Variants in IQCH observed in about 807,000 individuals in gnomAD.
IQCH encodes the protein IQ motif containing H, also known as IQ domain-containing protein H.
Under a neutral mutation model 117.0 loss-of-function variants are expected in IQCH, and 98 were observed. That is an observed-to-expected ratio of 0.84 (90% CI 0.71 to 0.99). The LOEUF is 0.99. Among genes scored for constraint, IQCH ranks in the 50% least tolerant of loss-of-function variants. IQCH has a pLI of 0.00. For missense variants in IQCH, 1,102 were observed against 1,243.8 expected, an observed-to-expected ratio of 0.89 and a Z score of 1.72; for synonymous variants, 412 against 448.2, an observed-to-expected ratio of 0.92 and a Z score of 1.02.
chr15:67,289,901 T>C lies in IQCH; in HGVS notation c.387+10389T>C, dbSNP rs149812995. Among the ~76,000 whole-genome samples the C allele has an allele frequency of 4.6e-5, 7 of 152,226 alleles. No individual in the cohort carries two copies. In the East Asian group the frequency reaches 1.3e-3, roughly 29 times the overall value. The stretch of plus-strand genomic sequence containing the variant: ...CAAACAATATATATTACACAAACTT[T>C]CATGTAACAAAGTTTGAGTCTAAGC... On this transcript the variant is annotated intron_variant, in intron 4 of 20. Coordinates refer to ENST00000335894, the MANE Select transcript of IQCH (RefSeq NM_001031715.3).
intron 3 of IQCH, among the ~76,000 whole-genome samples, chr15:67,272,895 A>G (rs1033923646): frequency 4.6e-5 from 7 of 152,272 alleles, no homozygotes; most frequent in African/African-American, 1.2e-4. Context: ...TAATTGGAGA[A>G]CTAAATCCAT....
intron 14 of IQCH, among the ~76,000 whole-genome samples, chr15:67,414,918 G>A (rs1415604920): frequency 6.6e-6 from 1 of 152,094 alleles, no homozygotes; most frequent in African/African-American, 2.4e-5. Flanking sequence ...CTGAGAGAGG[G>A]CCCAGGCTGT....
At chr15:67,295,815 C>T (rs1966849070) in intron 4 of IQCH, among the ~76,000 whole-genome samples, 1 of 152,158 alleles carries the variant, frequency 6.6e-6, no homozygotes, top group East Asian at 1.9e-4. Flanking sequence ...AGGCCAGCCT[C>T]TTATTAAGGC....
intron 8 of IQCH, among the ~76,000 whole-genome samples, chr15:67,362,142 G>A (rs1271553070): frequency 3.2e-5 from 2 of 62,424 alleles, no homozygotes; most frequent in Non-Finnish European, 6.4e-5. Context: ...ATACATATAC[G>A]CACACACCAC....
rs1281893606 is a variant in IQCH, at chr15:67,457,563, G to GACTTC, written c.2506-7563_2506-7562insCTTCA. ...CTGCTCCCAACAGTCAGATGGGGAAGAAGTGGTCAGGACCCAAAACAGATT... is the reference window on the plus strand; with the variant it reads ...CTGCTCCCAACAGTCAGATGGGGAAGACTTCAAGTGGTCAGGACCCAAAACAGATT... On this transcript the variant is annotated intron_variant, in intron 16 of 20. Transcript: ENST00000335894. This position sits in a 1 kb window ranked among gnomAD's most constrained non-coding sequence, Gnocchi z 5.7. Among the ~76,000 whole-genome samples, 1 of 152,222 alleles carries GACTTC rather than the reference G, an allele frequency of 6.6e-6. No homozygotes were observed. Among genetic ancestry groups the GACTTC allele is most frequent in the Non-Finnish European group, 1.5e-5 (1 of 68,046 alleles).
At chr15:67,383,787 T>G (rs1971020550) in intron 10 of IQCH, among the ~76,000 whole-genome samples, 1 of 152,204 alleles carries the variant, frequency 6.6e-6, no homozygotes, top group African/African-American at 2.4e-5. Flanking sequence ...ACAGCTCATT[T>G]GTCCTTCTGC....
In IQCH at chr15:67,384,169, G is replaced by A. The variant is rs1971032503; in HGVS notation, c.1373-767G>A. On this transcript the variant is annotated intron_variant, in intron 10 of 20. Coordinates refer to ENST00000335894, the MANE Select transcript of IQCH (RefSeq NM_001031715.3). This position sits in a 1 kb window ranked among gnomAD's most constrained non-coding sequence, Gnocchi z 4.3. ...CCTACAGTTGTTGAATTTCATATAA[G>A]CAGTTATACCTGCTTGTGAGTATGC... 6.6e-6 allele frequency among the ~76,000 whole-genome samples: 1 copy of A among 152,052 alleles called. No individual in the cohort carries two copies. The highest frequency in any genetic ancestry group is 1.5e-5 in the Non-Finnish European group (1 of 68,004).
chr15:67,309,860 C>G (rs1041072895), intron 4 of IQCH, among the ~76,000 whole-genome samples: 1 of 150,680 alleles, frequency 6.6e-6, no homozygotes, highest in African/African-American at 2.4e-5. Context: ...AAGCAAATTA[C>G]ATTTCAGATC....
rs1253660531 is a variant in IQCH at position 67,395,583 on chromosome 15, G to A, written c.1905+20G>A. On this transcript the variant is annotated intron_variant, in intron 13 of 20. Transcript: ENST00000335894. The surrounding 1 kb of genome is among the most constrained non-coding windows in gnomAD (Gnocchi z 4.0). ...CAACAGGTATGTGGGGTGGACAAGT[G>A]AAGCTCTGTTCAAATATTTGAAACA... 2 of 1,608,392 alleles carry A rather than the reference G, an allele frequency of 1.2e-6. No individual in the cohort carries two copies.
intron 6 of IQCH, among the ~76,000 whole-genome samples, chr15:67,346,099 A>G (rs1269729197): frequency 6.6e-6 from 1 of 152,178 alleles, no homozygotes; most frequent in East Asian, 1.9e-4. Context: ...AATGAAAAGA[A>G]AGCTGGAATG....
intron 14 of IQCH, among the ~76,000 whole-genome samples, chr15:67,409,334 G>A (rs967591171): frequency 2.6e-5 from 4 of 152,154 alleles, no homozygotes; most frequent in Non-Finnish European, 5.9e-5. Context: ...CGCACAGGGT[G>A]AGCCTAGAAA....
rs761847815 is a variant in IQCH at position 67,384,893 on chromosome 15, C to T, written c.1373-43C>T. 7 of 1,238,464 alleles carry T rather than the reference C, an allele frequency of 5.7e-6. No individual in the cohort carries two copies. The highest frequency in any genetic ancestry group is 2.3e-5 in the East Asian group (1 of 42,824). 76.7% of individuals were successfully genotyped at this position (1,238,464 alleles called of 1,614,324 possible). A position where few individuals can be genotyped will look rare whatever the true frequency, so the allele number is the denominator to read the frequency against. ...ATTCTCTTGTGCCATTTTGCTATAT[C>T]GACTTGCTCTTTCTGTGTTTTGACA... On this transcript the variant is annotated intron_variant, in intron 10 of 20. Transcript: ENST00000335894. The surrounding 1 kb of genome is among the most constrained non-coding windows in gnomAD (Gnocchi z 4.3).
intron 18 of IQCH, among the ~76,000 whole-genome samples, chr15:67,489,485 C>T (rs1233854849): frequency 3.7e-5 from 2 of 53,696 alleles, no homozygotes; most frequent in African/African-American, 7.6e-5. Context: ...TTTCACCATA[C>T]AACATTTCAC....
intron 3 of IQCH, among the ~76,000 whole-genome samples, chr15:67,275,157 A>G (rs549890010): frequency 4.2e-4 from 64 of 152,312 alleles, no homozygotes; most frequent in Non-Finnish European, 3.7e-4. Flanking sequence ...TGTCCCTTCA[A>G]GTACTCCTGA....
intron 16 of IQCH, among the ~76,000 whole-genome samples, chr15:67,449,184 C>G (rs2082461095): frequency 6.6e-6 from 1 of 152,042 alleles, no homozygotes; most frequent in South Asian, 2.1e-4. Flanking sequence ...TGCCTGTTCA[C>G]TCTGATGGTA....
intron 3 of IQCH, among the ~76,000 whole-genome samples, chr15:67,274,002 C>T (rs542268582): frequency 6.6e-6 from 1 of 152,292 alleles, no homozygotes; most frequent in African/African-American, 2.4e-5. Flanking sequence ...TCTCTCTTGG[C>T]TTATATCGTT....
chr15:67,326,857 C>T (rs1968436698), intron 4 of IQCH, among the ~76,000 whole-genome samples: 1 of 152,062 alleles, frequency 6.6e-6, no homozygotes, highest in Non-Finnish European at 1.5e-5. Flanking sequence ...TATTTTAATG[C>T]TTTCTATATT....
intron 16 of IQCH, among the ~76,000 whole-genome samples, chr15:67,441,147 A>G (rs1158763904): frequency 2.1e-5 from 3 of 141,636 alleles, no homozygotes; most frequent in Non-Finnish European, 3.1e-5. Flanking sequence ...AAAAAAAAAA[A>G]AAAAAAGAGT....
chr15:67,390,440 GA>G lies in IQCH; in HGVS notation c.1632+1441del. ...TGGGGAAGGGGCACTAGATTGGGGA[GA>G]AAAAAAGTGAGAAAACTAACATTTT... On this transcript the variant is annotated intron_variant, in intron 12 of 20. Transcript: ENST00000335894. The surrounding 1 kb of genome is among the most constrained non-coding windows in gnomAD (Gnocchi z 5.0). 6.6e-6 allele frequency among the ~76,000 whole-genome samples: 1 copy of G among 151,964 alleles called. No individual in the cohort carries two copies. Among genetic ancestry groups the G allele is most frequent in the South Asian group, 2.1e-4 (1 of 4,816 alleles).
Sources: gnomAD v4.1 joint callset for allele counts (sites outside exome capture counted in the v4.1 genomes callset) on GRCh38, gnomAD v4.1.1 for gene constraint, Gnocchi (gnomAD v3.1) non-coding constraint, MANE v1.5 for transcripts, NCBI Gene and HGNC (gene_info 2026-07-23, HGNC 2026-07-21) for gene names.